Variants in HYAL4 observed in about 807,000 individuals in gnomAD.
HYAL4 encodes hyaluronidase-4.
HYAL4 carries 37 observed loss-of-function variants against 35.2 expected under a neutral mutation model. That is an observed-to-expected ratio of 1.05 (90% confidence interval 0.81 to 1.38). The LOEUF is 1.38. HYAL4 is among the 40% of genes most tolerant of loss of function. The probability of loss-of-function intolerance (pLI) is 0.00; values close to 1 mark genes in which losing one functional copy is unlikely to be tolerated. For missense variants in HYAL4, 572 were observed against 572.4 expected (o/e 1.00, Z 0.01); for synonymous variants, 198 against 203.2 (o/e 0.97, Z 0.22).
At chr7:123,810,076 A>G in the HYAL4 span, among the ~76,000 whole-genome samples, 5 of 152,244 alleles carry the variant, frequency 3.3e-5, no homozygotes, top group African/African-American at 1.2e-4. Flanking sequence ...ATCTGATGGA[A>G]GAAAATCTGC....
At chr7:123,778,997 C>A in the HYAL4 span, among the ~76,000 whole-genome samples, 1 of 151,974 alleles carries the variant, frequency 6.6e-6, no homozygotes, top group African/African-American at 2.4e-5. Context: ...TAAAACAATG[C>A]CACTCTTCTC....
the HYAL4 span, among the ~76,000 whole-genome samples, chr7:123,778,879 C>T: frequency 6.6e-6 from 1 of 152,232 alleles, no homozygotes; most frequent in East Asian, 1.9e-4. Context: ...ATTACACTTC[C>T]TCATACTCTT....
intron 3 of HYAL4, 110 bp from the exon 4 acceptor site, chr7:123,874,651 C>T (rs945541519): frequency 6.4e-5 from 41 of 637,218 alleles, no homozygotes; most frequent in East Asian, 6.3e-4. Flanking sequence ...GTGATCTGCC[C>T]GCCTGGGCCT....
intron 2 of HYAL4, among the ~76,000 whole-genome samples, chr7:123,857,936 C>T (rs1235247690): frequency 1.3e-5 from 2 of 151,732 alleles, no homozygotes; most frequent in Non-Finnish European, 2.9e-5. Context: ...GTGGCTCACT[C>T]CTGTAATCCC....
the HYAL4 span, among the ~76,000 whole-genome samples, chr7:123,806,842 C>T: frequency 6.6e-6 from 1 of 152,102 alleles, no homozygotes; most frequent in Non-Finnish European, 1.5e-5. Flanking sequence ...GATGGTCACA[C>T]CACTTTTTAG....
Position 123,868,980 on chromosome 7 carries a change from C to T in HYAL4, c.707C>T (p.Ser236Leu), listed in dbSNP as rs563341131. ...GTTTATGCCCCAAACTACTCTGGGT[C>T]ATGCCCAGAAGACGAAGTCTTGAGG... ...YNVYAPNYSG[S>L]CPEDEVLRNN... Residue 236 changes from serine to leucine, a missense_variant, in exon 3 of 5, where the codon TCA becomes TTA. By Grantham distance (145) the Ser-to-Leu change is moderately radical (BLOSUM62 -2). Coordinates refer to ENST00000223026, the MANE Select transcript of HYAL4 (RefSeq NM_012269.3). The T allele has an allele frequency of 6.2e-7, 1 of 1,613,826 alleles. No individual in the cohort carries two copies. Among genetic ancestry groups the T allele is most frequent in the Admixed American group, 1.7e-5 (1 of 59,968 alleles).
chr7:123,847,048 A>T (rs1806189248), intron 1 of HYAL4, among the ~76,000 whole-genome samples: 1 of 152,138 alleles, frequency 6.6e-6, no homozygotes, highest in Non-Finnish European at 1.5e-5. Context: ...GAGTGCTCTC[A>T]GCTTTCCTGG....
the HYAL4 span, among the ~76,000 whole-genome samples, chr7:123,772,092 G>A: frequency 2.3e-4 from 35 of 152,162 alleles, no homozygotes; most frequent in African/African-American, 8.0e-4. Flanking sequence ...GCTTTCCTGA[G>A]TCTCCAGCTT....
At chr7:123,837,284 G>C (rs995463359) in intron 1 of HYAL4, among the ~76,000 whole-genome samples, 1 of 152,138 alleles carries the variant, frequency 6.6e-6, no homozygotes, top group Admixed American at 6.5e-5. Flanking sequence ...CTGTTAATCT[G>C]TAGGTTTTCC....
the HYAL4 span, among the ~76,000 whole-genome samples, chr7:123,772,579 C>T: frequency 6.6e-6 from 1 of 152,122 alleles, no homozygotes; most frequent in Non-Finnish European, 1.5e-5. Context: ...AAGGGTGCTT[C>T]ATCTTAGTGG....
intron 2 of HYAL4, among the ~76,000 whole-genome samples, chr7:123,861,548 G>A (rs1335170068): frequency 1.3e-5 from 2 of 152,112 alleles, no homozygotes; most frequent in Admixed American, 6.6e-5. Flanking sequence ...AAGACCAAGT[G>A]TATACTTTAA....
intron 2 of HYAL4, among the ~76,000 whole-genome samples, chr7:123,866,542 C>G (rs554542234): frequency 6.6e-6 from 1 of 152,202 alleles, no homozygotes; most frequent in Admixed American, 6.5e-5. Context: ...GAGCACACAG[C>G]CAAAGGACAA....
At chr7:123,790,020 T>C in the HYAL4 span, among the ~76,000 whole-genome samples, 1 of 152,110 alleles carries the variant, frequency 6.6e-6, no homozygotes, top group African/African-American at 2.4e-5. Context: ...TTCTGGCAGG[T>C]GTTTATCTCA....
chr7:123,830,193 C>T (rs1371721601), intron 1 of HYAL4, among the ~76,000 whole-genome samples: 1 of 152,154 alleles, frequency 6.6e-6, no homozygotes, highest in Non-Finnish European at 1.5e-5. Flanking sequence ...TTTTGGACTT[C>T]CAGACTGTAA....
chr7:123,833,087 G>C (rs866898151), intron 1 of HYAL4, among the ~76,000 whole-genome samples: 1 of 151,984 alleles, frequency 6.6e-6, no homozygotes, highest in Non-Finnish European at 1.5e-5. Context: ...TTTTCCTCTG[G>C]GTAGATCCCC....
the HYAL4 span, among the ~76,000 whole-genome samples, chr7:123,779,013 C>A: frequency 6.6e-5 from 10 of 152,010 alleles, no homozygotes; most frequent in African/African-American, 2.4e-4. Context: ...TTCTCACTAG[C>A]TTTTTTGTTT....
intron 3 of HYAL4, among the ~76,000 whole-genome samples, chr7:123,871,193 ATTT>A (rs534769179): frequency 3.7e-5 from 5 of 134,784 alleles, no homozygotes; most frequent in African/African-American, 5.4e-5. Flanking sequence ...TCTGCCCATG[ATTT>A]TTTTTTTTTT....
At chr7:123,853,511 T>C in intron 2 of HYAL4, among the ~76,000 whole-genome samples, 1 of 152,240 alleles carries the variant, frequency 6.6e-6, no homozygotes, top group East Asian at 1.9e-4. Flanking sequence ...ATTGGTTCTG[T>C]TGATGTATGG....
At chr7:123,874,497 G>A (rs1231432549) in intron 3 of HYAL4, among the ~76,000 whole-genome samples, 1 of 152,050 alleles carries the variant, frequency 6.6e-6, no homozygotes, top group East Asian at 1.9e-4. Flanking sequence ...TCCGTCTCCT[G>A]GGTTCAAATG....
Sources: gnomAD v4.1 joint callset for allele counts (sites outside exome capture counted in the v4.1 genomes callset) on GRCh38, gnomAD v4.1.1 for gene constraint, MANE v1.5 for transcripts, NCBI Gene and HGNC (gene_info 2026-07-23, HGNC 2026-07-21) for gene names.